Variants in MTMR9 observed in about 807,000 individuals in gnomAD.
MTMR9 encodes the protein myotubularin-related protein 9.
In MTMR9, 39 loss-of-function variants were observed where a neutral mutation model predicts 69.5. That is an observed-to-expected ratio of 0.56 (90% CI 0.43 to 0.73). The LOEUF is 0.73. Ranked by LOEUF, MTMR9 falls within the 30% of genes least tolerant of loss-of-function variation. MTMR9 has a pLI of 0.00. For synonymous variants in MTMR9, 354 were observed against 240.8 expected (o/e 1.47, Z -4.35); for missense variants, 900 against 671.2 (o/e 1.34, Z -3.77).
At chr8:11,305,876 T>C (rs1799920912) in intron 4 of MTMR9, among the ~76,000 whole-genome samples, 1 of 152,236 alleles carries the variant, frequency 6.6e-6, no homozygotes, top group African/African-American at 2.4e-5. Flanking sequence ...TTATTGTCTT[T>C]ATTACAGGTC....
At position 11,309,547 on chromosome 8, in the gene MTMR9, G is replaced by C. The variant is rs898312398; in HGVS notation, c.830G>C (p.Ser277Thr). 9 of 1,613,330 alleles carry C rather than the reference G, an allele frequency of 5.6e-6. No individual in the cohort carries two copies. The highest frequency in any genetic ancestry group is 7.6e-6 in the Non-Finnish European group (9 of 1,179,662). The part of the protein sequence containing the change: ...SIERYHILQE[S>T]LIKLVEACND... ...AAAAGGTATCACATTCTTCAGGAGA[G>C]CTTAATCAAACTTGTGGAAGCTTGT... The change falls in exon 6 of 10, where the codon AGC (serine) becomes ACC (threonine). Residue 277 changes from serine to threonine, a missense_variant. Transcript: ENST00000221086.
chr8:11,302,279 A>G (rs961696081), intron 3 of MTMR9, among the ~76,000 whole-genome samples: 2 of 91,102 alleles, frequency 2.2e-5, no homozygotes, highest in African/African-American at 4.5e-5. Flanking sequence ...AAAAAAGAGG[A>G]AGACAAAAAA....
chr8:11,285,800 A>C (rs1307623540), intron 1 of MTMR9, among the ~76,000 whole-genome samples: 1 of 152,212 alleles, frequency 6.6e-6, no homozygotes, highest in East Asian at 1.9e-4. Context: ...GCTACTCGCT[A>C]GCCAGGAGAG....
Position 11,292,883 on chromosome 8 carries a change from C to T in MTMR9, c.183-2311C>T, listed in dbSNP as rs144774179. On this transcript the variant is annotated intron_variant, in intron 1 of 9. Transcript: ENST00000221086. The stretch of plus-strand genomic sequence containing the variant: ...CTGCCAGTTACACAACAATGTAGCA[C>T]ATACCATTGCATACATCACATAATA... 2.2e-3 allele frequency among the ~76,000 whole-genome samples: 331 copies of T among 152,296 alleles called. 1 individual carries two copies. Among genetic ancestry groups the T allele is most frequent in the African/African-American group, 7.6e-3 (316 of 41,564 alleles).
At chr8:11,312,185 C>T (rs905506963) in intron 6 of MTMR9, among the ~76,000 whole-genome samples, 2 of 152,096 alleles carry the variant, frequency 1.3e-5, no homozygotes, top group Admixed American at 1.3e-4. Flanking sequence ...GCCAGTACTA[C>T]AGGTGCACAC....
At chr8:11,291,787 G>A (rs529591836) in intron 1 of MTMR9, among the ~76,000 whole-genome samples, 19 of 152,218 alleles carry the variant, frequency 1.2e-4, no homozygotes, top group African/African-American at 3.4e-4. Context: ...GAGAATAACC[G>A]TATGTCTTGT....
At chr8:11,301,374 G>T (rs1397728360) in intron 3 of MTMR9, among the ~76,000 whole-genome samples, 4 of 152,082 alleles carry the variant, frequency 2.6e-5, no homozygotes, top group African/African-American at 9.7e-5. Context: ...GTTGATTTTT[G>T]ACAAAAGTAC....
chr8:11,314,551 T>G (rs1800333196), intron 6 of MTMR9, among the ~76,000 whole-genome samples: 1 of 152,204 alleles, frequency 6.6e-6, no homozygotes, highest in African/African-American at 2.4e-5. Flanking sequence ...GAAGAGGCTT[T>G]AACCAACGAT....
rs575469991 is a variant in MTMR9 at position 11,310,201 on chromosome 8, T to G, written c.971+513T>G. Among the ~76,000 whole-genome samples the G allele has an allele frequency of 6.6e-5, 10 of 152,332 alleles. No individual in the cohort carries two copies. In the South Asian group the frequency reaches 2.1e-3, roughly 32 times the overall value. On this transcript the variant is annotated intron_variant, in intron 6 of 9. Coordinates refer to ENST00000221086, the MANE Select transcript of MTMR9 (RefSeq NM_015458.4). ...AGTTGAGAACACCTAGTGGTAGTGATGTTGAGTATATGAAGTGATTTTAGT... is the reference window on the plus strand; with the variant it reads ...AGTTGAGAACACCTAGTGGTAGTGAGGTTGAGTATATGAAGTGATTTTAGT...
rs780691771 is a variant in MTMR9, at chr8:11,314,915, C to T, written c.972-8C>T. 2.5e-6 allele frequency: 4 copies of T among 1,612,016 alleles called. No individual in the cohort carries two copies. The African/African-American group carries it at 5.3e-5, about 22-fold the overall frequency. On this transcript the variant is annotated splice_polypyrimidine_tract_variant and splice_region_variant and intron_variant, in intron 6 of 9. Coordinates refer to ENST00000221086, the MANE Select transcript of MTMR9 (RefSeq NM_015458.4). The stretch of plus-strand genomic sequence containing the variant: ...CCCATTTGTACTCTTCCCTGATTTT[C>T]CTATCAGGGAAGGAGCATCAATATT...
At chr8:11,336,953 C>T in the MTMR9 span, among the ~76,000 whole-genome samples, 4 of 152,092 alleles carry the variant, frequency 2.6e-5, no homozygotes, top group East Asian at 7.7e-4. Flanking sequence ...CCTCAGGTTG[C>T]CGGAGTTCTT....
Position 11,306,502 on chromosome 8 carries a change from C to G in MTMR9, c.809+95C>G, listed in dbSNP as rs557146071. The G allele has an allele frequency of 1.4e-5, 16 of 1,128,632 alleles. No homozygotes were observed. The Admixed American group carries it at 3.4e-4, about 24-fold the overall frequency. The allele number at this position is 1,128,632 out of a possible 1,614,324, so 69.9% of individuals were successfully genotyped here. On this transcript the variant is annotated intron_variant, in intron 5 of 9. Transcript: ENST00000221086. The stretch of plus-strand genomic sequence containing the variant: ...TGAAAATCACAAGTGCTCAAATTAA[C>G]TTCTGCATTAATTTAGGGTCAATGA...
chr8:11,294,256 A>G lies in MTMR9; in HGVS notation c.183-938A>G, dbSNP rs1250215103. Among the ~76,000 whole-genome samples the G allele has an allele frequency of 2.0e-5, 3 of 152,112 alleles. No individual in the cohort carries two copies. In the East Asian group the frequency reaches 5.8e-4, roughly 29 times the overall value. On this transcript the variant is annotated intron_variant, in intron 1 of 9. Coordinates refer to ENST00000221086, the MANE Select transcript of MTMR9 (RefSeq NM_015458.4). ...CCTTACTGCACTAGTTATAACCTTG[A>G]GTGCAATGTTGACTAGAAGTGGTGA...
At position 11,309,672 on chromosome 8, in the gene MTMR9, G is replaced by T; in HGVS notation, c.955G>T (p.Ala319Ser). Residue 319 changes from alanine to serine, a missense_variant, in exon 6 of 10, where the codon GCT (alanine) becomes TCT (serine). Physicochemically the swap from Ala to Ser is moderately conservative, Grantham distance 99. Transcript: ENST00000221086. The part of the protein sequence containing the change: ...KEILTTACLA[A>S]QCIDREGASI... Reference sequence around the variant, plus strand: ...GATTCTGACAACTGCCTGCCTAGCGGCTCAGTGCATCGACAGGTAAAGTGC... The same window carrying T: ...GATTCTGACAACTGCCTGCCTAGCGTCTCAGTGCATCGACAGGTAAAGTGC... The T allele has an allele frequency of 6.2e-7, 1 of 1,613,744 alleles. No homozygotes were observed. The highest frequency in any genetic ancestry group is 1.1e-5 in the South Asian group (1 of 91,050).
chr8:11,304,468 T>C (rs543068509), intron 3 of MTMR9, among the ~76,000 whole-genome samples: 2 of 152,282 alleles, frequency 1.3e-5, no homozygotes, highest in South Asian at 2.1e-4. Flanking sequence ...ACTTGGAGAA[T>C]AGAACACTAA....
At chr8:11,331,928 C>T, downstream of MTMR9, 1 of 1,612,020 alleles carries the variant, frequency 6.2e-7, no homozygotes, top group Non-Finnish European at 8.5e-7. Context: ...GCTATGCGGT[C>T]ACCAAGGCCC....
At chr8:11,285,180 A>G (rs1799103072) in intron 1 of MTMR9, 110 bp downstream of exon 1, 9 of 1,099,862 alleles carry the variant, frequency 8.2e-6, no homozygotes, top group Middle Eastern at 6.1e-4. Context: ...GCTAGCCGGC[A>G]AGATGAGCCC....
At chr8:11,289,886 G>A (rs148744815) in intron 1 of MTMR9, among the ~76,000 whole-genome samples, 2 of 152,170 alleles carry the variant, frequency 1.3e-5, no homozygotes, top group African/African-American at 4.8e-5. Context: ...AGACCTTTTA[G>A]GTAACTTCCA....
intron 1 of MTMR9, among the ~76,000 whole-genome samples, chr8:11,292,916 A>G (rs551223751): frequency 6.6e-5 from 10 of 152,342 alleles, no homozygotes; most frequent in African/African-American, 2.2e-4. Flanking sequence ...ATATTTATAA[A>G]CGATCATAAA....
Sources: gnomAD v4.1 joint callset for allele counts (sites outside exome capture counted in the v4.1 genomes callset) on GRCh38, gnomAD v4.1.1 for gene constraint, MANE v1.5 for transcripts, NCBI Gene and HGNC (gene_info 2026-07-23, HGNC 2026-07-21) for gene names.